The following DNAH7 variants were observed in gnomAD, a reference collection of about 807,000 sequenced individuals.
The protein encoded by DNAH7 is axonemal beta dynein heavy chain 7.
A neutral mutation model predicts 444.6 loss-of-function variants in DNAH7; 397 were observed. The ratio of observed to expected loss-of-function variants is 0.89; its 90% confidence interval spans 0.82 to 0.97. The LOEUF (loss-of-function observed/expected upper bound fraction) is 0.97. DNAH7 is among the 50% of genes least tolerant of loss of function. The probability of loss-of-function intolerance (pLI) is 0.00; values close to 1 mark genes in which losing one functional copy is unlikely to be tolerated. For missense variants in DNAH7, 4,902 were observed against 4,800.8 expected (o/e 1.02, Z -0.62); for synonymous variants, 1,636 against 1,624.4 (o/e 1.01, Z -0.17).
Position 195,891,696 on chromosome 2 carries a change from C to T in DNAH7, c.5005G>A (p.Gly1669Arg). The T allele has an allele frequency of 1.9e-6, 3 of 1,603,224 alleles. No individual in the cohort carries two copies. The highest frequency in any genetic ancestry group is 2.6e-6 in the Non-Finnish European group (3 of 1,175,212). ...GCTCTAAAACTGACAGCAAGGACCC[C>T]ATCAGACCATTCATGGGACACTGAA... Reference protein sequence around the residue: ...FDSVSHEWSDGVLAVSFRAFA... With the variant: ...FDSVSHEWSDRVLAVSFRAFA... The change falls in exon 31 of 65, where the codon GGG (glycine) becomes AGG (arginine). Residue 1669 changes from glycine to arginine, a missense_variant. Physicochemically the swap from Gly to Arg is moderately radical, Grantham distance 125. Coordinates refer to ENST00000312428, the MANE Select transcript of DNAH7 (RefSeq NM_018897.3).
chr2:195,935,860 G>A (rs1477380308), intron 20 of DNAH7, among the ~76,000 whole-genome samples: 1 of 152,092 alleles, frequency 6.6e-6, no homozygotes, highest in African/African-American at 2.4e-5. Context: ...CAAGAGAACA[G>A]TACACTGAGA....
At chr2:195,812,314 T>C (rs368060257) in intron 51 of DNAH7, among the ~76,000 whole-genome samples, 13 of 152,124 alleles carry the variant, frequency 8.5e-5, no homozygotes, top group African/African-American at 3.1e-4. Context: ...TTAAACTCTT[T>C]CTTTATCACA....
chr2:195,936,910 G>A (rs1305454974), intron 19 of DNAH7, 118 bp from the exon 20 acceptor site: 8 of 872,014 alleles, frequency 9.2e-6, no homozygotes, highest in Non-Finnish European at 9.7e-6. Flanking sequence ...TAAATTTTAA[G>A]GGGAGTATTT....
chr2:195,889,652 T>G (rs980190358), intron 31 of DNAH7, among the ~76,000 whole-genome samples: 3 of 152,196 alleles, frequency 2.0e-5, no homozygotes, highest in African/African-American at 7.2e-5. Context: ...TATATTAACA[T>G]GTTTTAGAAA....
chr2:195,804,977 T>C (rs945518194), intron 54 of DNAH7, among the ~76,000 whole-genome samples: 1 of 152,046 alleles, frequency 6.6e-6, no homozygotes, highest in Admixed American at 6.6e-5. Context: ...CCTCCAATGA[T>C]TTAAAAACAA....
In DNAH7 at chr2:195,740,826, A is replaced by G. The variant is rs546839097; in HGVS notation, c.11808T>C (p.Asn3936=). 14 of 1,569,756 alleles carry G rather than the reference A, an allele frequency of 8.9e-6. No individual in the cohort carries two copies. Among genetic ancestry groups the G allele is most frequent in the Non-Finnish European group, 1.2e-5 (14 of 1,156,586 alleles). The change falls in exon 64 of 65, where the codon AAT becomes AAC. Residue 3936 remains asparagine, a synonymous_variant. Coordinates refer to ENST00000312428, the MANE Select transcript of DNAH7 (RefSeq NM_018897.3). ...HGLFLDGASW[N]RKIKKLAESH... ...ATTCTGCAAGTTTCTTGATCTTTCTATTCCAGGAAGCTCCATCCAGAAATA... is the reference window on the plus strand; with the variant it reads ...ATTCTGCAAGTTTCTTGATCTTTCTGTTCCAGGAAGCTCCATCCAGAAATA...
At chr2:196,062,883 TTTG>T (rs1353244924) in intron 1 of DNAH7, among the ~76,000 whole-genome samples, 1 of 152,212 alleles carries the variant, frequency 6.6e-6, no homozygotes, top group Non-Finnish European at 1.5e-5. Context: ...TGGTTTTGTT[TTTG>T]TTTTTTGTTT....
chr2:195,744,528 A>C (rs1693260259), intron 63 of DNAH7, among the ~76,000 whole-genome samples: 1 of 152,196 alleles, frequency 6.6e-6, no homozygotes, highest in Non-Finnish European at 1.5e-5. Flanking sequence ...ATCCGGAGAT[A>C]TGAGAACGGG....
At chr2:195,825,514 C>A (rs181971952) in intron 48 of DNAH7, among the ~76,000 whole-genome samples, 1 of 151,942 alleles carries the variant, frequency 6.6e-6, no homozygotes, top group Non-Finnish European at 1.5e-5. Flanking sequence ...CTTTTTTAAA[C>A]CAGTATTCAA....
chr2:195,767,742 A>G (rs1281708484), intron 61 of DNAH7, among the ~76,000 whole-genome samples: 2 of 151,984 alleles, frequency 1.3e-5, no homozygotes, highest in Admixed American at 6.6e-5. Flanking sequence ...AAAACTGCCA[A>G]CTAGTTTTTT....
At chr2:195,891,355 T>A (rs1428238852) in intron 31 of DNAH7, among the ~76,000 whole-genome samples, 1 of 151,958 alleles carries the variant, frequency 6.6e-6, no homozygotes, top group Non-Finnish European at 1.5e-5. Context: ...GTCATTCAGA[T>A]ATTCTCATTT....
intron 5 of DNAH7, among the ~76,000 whole-genome samples, chr2:196,042,506 C>A (rs778789014): frequency 2.0e-5 from 3 of 151,868 alleles, no homozygotes; most frequent in Non-Finnish European, 4.4e-5. Flanking sequence ...CCAATGCATA[C>A]AGCAGCAGCA....
In DNAH7 at chr2:195,799,326, C is replaced by T; in HGVS notation, c.10323G>A (p.Met3441Ile). 1.9e-6 allele frequency: 3 copies of T among 1,594,990 alleles called. No homozygotes were observed. The highest frequency in any genetic ancestry group is 2.6e-6 in the Non-Finnish European group (3 of 1,170,740). The part of the protein sequence containing the change: ...IFVLSPGADP[M>I]AALLKFADDQ... ...CATCAGCAAATTTTAGAAGGGCAGC[C>T]ATGGGATCTGCTCCAGGAGAGAGCA... The change falls in exon 55 of 65, where the codon ATG becomes ATA. Residue 3441 changes from methionine to isoleucine, a missense_variant. By Grantham distance (10) the Met-to-Ile change is conservative. Transcript: ENST00000312428.
chr2:196,053,652 T>A (rs1029511332), intron 2 of DNAH7, among the ~76,000 whole-genome samples: 13 of 152,140 alleles, frequency 8.5e-5, no homozygotes, highest in African/African-American at 2.9e-4. Context: ...CACCTCTACC[T>A]CTCAAAGGCA....
chr2:196,019,464 T>C (rs976133664), intron 8 of DNAH7, among the ~76,000 whole-genome samples, 169 bp from the exon 9 acceptor site: 2 of 152,190 alleles, frequency 1.3e-5, no homozygotes, highest in African/African-American at 4.8e-5. Context: ...ATATGTTTTA[T>C]GGTTTAGTAT....
intron 19 of DNAH7, among the ~76,000 whole-genome samples, chr2:195,955,760 C>G (rs1202425452): frequency 6.6e-6 from 1 of 151,968 alleles, no homozygotes; most frequent in Non-Finnish European, 1.5e-5. Flanking sequence ...TTTAAATATA[C>G]TAACTAAAAG....
Position 195,850,490 on chromosome 2 carries a change from T to C in DNAH7, c.8781+2853A>G, listed in dbSNP as rs147828634. Among the ~76,000 whole-genome samples the C allele has an allele frequency of 3.3e-3, 504 of 152,292 alleles. 2 individuals are homozygous for C. The highest frequency in any genetic ancestry group is 5.3e-3 in the Non-Finnish European group (361 of 68,018). On this transcript the variant is annotated intron_variant, in intron 46 of 64. Coordinates refer to ENST00000312428, the MANE Select transcript of DNAH7 (RefSeq NM_018897.3). ...CACTGTAGGATTCTGTTTTGGAAAATGGCACAGGCATTGCAGTTGAGAGCT... is the reference window on the plus strand; with the variant it reads ...CACTGTAGGATTCTGTTTTGGAAAACGGCACAGGCATTGCAGTTGAGAGCT...
intron 16 of DNAH7, among the ~76,000 whole-genome samples, chr2:195,971,560 G>C (rs1691842183): frequency 6.6e-6 from 1 of 152,140 alleles, no homozygotes; most frequent in Admixed American, 6.5e-5. Flanking sequence ...AAAATGAATA[G>C]AGTGTGCTAG....
chr2:195,812,948 C>CA (rs950424434), intron 51 of DNAH7, among the ~76,000 whole-genome samples: 36 of 151,766 alleles, frequency 2.4e-4, no homozygotes, highest in East Asian at 5.8e-4. Context: ...ACTTTAACAA[C>CA]AAAAAAAAGA....
Sources: gnomAD v4.1 joint callset for allele counts (sites outside exome capture counted in the v4.1 genomes callset) on GRCh38, gnomAD v4.1.1 for gene constraint, MANE v1.5 for transcripts, NCBI Gene and HGNC (gene_info 2026-07-23, HGNC 2026-07-21) for gene names.